The following DIP2C variants were observed in gnomAD, a reference collection of about 807,000 sequenced individuals.
DIP2C encodes disco-interacting protein 2 homolog C.
Under a neutral mutation model 192.4 loss-of-function variants are expected in DIP2C, and 33 were observed. The observed-to-expected ratio is 0.17, with a 90% CI of 0.13 to 0.23. The LOEUF (loss-of-function observed/expected upper bound fraction) is 0.23, where lower values mean the gene tolerates loss of function less well. Ranked by LOEUF, DIP2C falls within the 10% of genes least tolerant of loss-of-function variation. The pLI is 1.00. For synonymous variants in DIP2C, 979 were observed against 864.1 expected (o/e 1.13, Z -2.33); for missense variants, 1,537 against 2,110.1 (o/e 0.73, Z 5.32).
intron 1 of DIP2C, among the ~76,000 whole-genome samples, chr10:611,340 C>CTT (rs1257999481): frequency 2.6e-5 from 4 of 152,176 alleles, no homozygotes; most frequent in Non-Finnish European, 5.9e-5. Flanking sequence ...ATCAATTACC[C>CTT]AGCCTCAGGT....
At chr10:478,934 A>C (rs1459245157) in intron 2 of DIP2C, among the ~76,000 whole-genome samples, 1 of 152,132 alleles carries the variant, frequency 6.6e-6, no homozygotes, top group East Asian at 1.9e-4. Flanking sequence ...AGGAGGGCCA[A>C]GAGGCTCTCC....
intron 1 of DIP2C, among the ~76,000 whole-genome samples, chr10:496,770 C>G (rs986742324): frequency 2.6e-5 from 4 of 151,440 alleles, no homozygotes; most frequent in African/African-American, 9.7e-5. Flanking sequence ...ACATTACTCG[C>G]AATACTCCAA....
rs1237706943 is a variant in DIP2C at position 377,242 on chromosome 10, C to T, written c.1991+5405G>A. Among the ~76,000 whole-genome samples, 4 of 149,720 alleles carry T rather than the reference C, an allele frequency of 2.7e-5. No homozygotes were observed. The Admixed American group carries it at 2.7e-4, about 10-fold the overall frequency. ...ATATAAACTTTTTTACAAACTCTTT[C>T]TCATAAGCCTTGGCCACCTTTCTAT... On this transcript the variant is annotated intron_variant, in intron 17 of 36. Coordinates refer to ENST00000280886, the MANE Select transcript of DIP2C (RefSeq NM_014974.3).
At chr10:428,730 TTTCTC>T (rs1279145876) in intron 4 of DIP2C, among the ~76,000 whole-genome samples, 2 of 152,148 alleles carry the variant, frequency 1.3e-5, no homozygotes, top group Non-Finnish European at 2.9e-5. Flanking sequence ...CTCCTGCTCT[TTTCTC>T]TTTTCCTTCT....
chr10:376,037 G>A (rs986125795), intron 17 of DIP2C, among the ~76,000 whole-genome samples: 2 of 152,206 alleles, frequency 1.3e-5, no homozygotes, highest in Non-Finnish European at 2.9e-5. Flanking sequence ...CTGCAGTCAT[G>A]TAACGGCGGT....
At chr10:581,426 C>CT (rs369071285) in intron 1 of DIP2C, among the ~76,000 whole-genome samples, 6 of 152,134 alleles carry the variant, frequency 3.9e-5, no homozygotes, top group African/African-American at 1.4e-4. Flanking sequence ...ACATGTTAAG[C>CT]TGTCAAAGGT....
chr10:565,960 C>T (rs1286166333), intron 1 of DIP2C, among the ~76,000 whole-genome samples: 1 of 152,218 alleles, frequency 6.6e-6, no homozygotes, highest in Non-Finnish European at 1.5e-5. Context: ...ACCCACTCTC[C>T]TGCTGGAGGC....
Position 424,275 on chromosome 10 carries a change from G to A in DIP2C, c.395-1242C>T, listed in dbSNP as rs1000216183. ...TTATTATCACTGTCACATGACTTAT[G>A]CTGTCTGGGAATTTTTTTAAAAGTT... On this transcript the variant is annotated intron_variant, in intron 4 of 36. Transcript: ENST00000280886. Among the ~76,000 whole-genome samples, 11 of 128,556 alleles carry A rather than the reference G, an allele frequency of 8.6e-5. 1 individual carries two copies. Among genetic ancestry groups the A allele is most frequent in the Middle Eastern group, 4.3e-3 (1 of 232 alleles). The allele number at this position is 128,556 out of a possible 152,430, so 84.3% of individuals were successfully genotyped here.
At chr10:586,851 T>TA (rs200309625) in intron 1 of DIP2C, among the ~76,000 whole-genome samples, 2 of 126,312 alleles carry the variant, frequency 1.6e-5, no homozygotes, top group African/African-American at 1.1e-4. Flanking sequence ...CCACATTTTG[T>TA]GGGGAAAACC....
rs116170712 is a variant in DIP2C at position 602,034 on chromosome 10, T to C, written c.85+87460A>G. The stretch of plus-strand genomic sequence containing the variant: ...TCCTTGGTAAAGGGTCACCTGCAAG[T>C]CAGCCTAAGCCACATGGGAAGGGGC... On this transcript the variant is annotated intron_variant, in intron 1 of 36. Coordinates refer to ENST00000280886, the MANE Select transcript of DIP2C (RefSeq NM_014974.3). Among the ~76,000 whole-genome samples, 928 of 145,086 alleles carry C rather than the reference T, an allele frequency of 6.4e-3. 6 individuals are homozygous for C. The highest frequency in any genetic ancestry group is 0.022 in the African/African-American group (845 of 38,574).
At chr10:380,383 GGAT>G (rs1398288921) in intron 17 of DIP2C, among the ~76,000 whole-genome samples, 4 of 151,668 alleles carry the variant, frequency 2.6e-5, no homozygotes, top group African/African-American at 9.7e-5. Context: ...GGCTGTCCCT[GGAT>G]GATGGTTAAT....
intron 1 of DIP2C, among the ~76,000 whole-genome samples, chr10:501,607 T>G (rs2130710493): frequency 6.6e-6 from 1 of 152,032 alleles, no homozygotes; most frequent in African/African-American, 2.4e-5. Flanking sequence ...ATAATCAAAG[T>G]GCAAAACCGA....
intron 18 of DIP2C, among the ~76,000 whole-genome samples, chr10:366,999 G>A (rs1564621450): frequency 6.6e-6 from 1 of 152,222 alleles, no homozygotes; most frequent in Non-Finnish European, 1.5e-5. Context: ...AAGAGCCTCA[G>A]GCTTCAGAAG....
At chr10:607,264 A>C (rs965475928) in intron 1 of DIP2C, among the ~76,000 whole-genome samples, 1 of 152,190 alleles carries the variant, frequency 6.6e-6, no homozygotes, top group Non-Finnish European at 1.5e-5. Context: ...TCAAACACCT[A>C]AACACAGGAA....
chr10:441,118 G>A (rs999197490), intron 3 of DIP2C, 122 bp from the exon 4 acceptor site: 21 of 1,169,080 alleles, frequency 1.8e-5, no homozygotes, highest in Non-Finnish European at 2.4e-5. Flanking sequence ...ACAGATGGGT[G>A]GGCGAGGAAA....
chr10:430,574 A>AACTCT (rs1339426702), intron 4 of DIP2C: 4 of 152,216 alleles, frequency 2.6e-5, no homozygotes, highest in Non-Finnish European at 4.4e-5. Flanking sequence ...TATATTTCAA[A>AACTCT]TAAAAGTTAT....
chr10:407,974 C>T (rs989950548), intron 9 of DIP2C, among the ~76,000 whole-genome samples: 4 of 152,148 alleles, frequency 2.6e-5, no homozygotes, highest in African/African-American at 7.2e-5. Flanking sequence ...GGTTCGGGTG[C>T]CACATCCAAG....
At chr10:401,371 C>T (rs192890394) in intron 9 of DIP2C, among the ~76,000 whole-genome samples, 2 of 151,688 alleles carry the variant, frequency 1.3e-5, no homozygotes, top group Non-Finnish European at 2.9e-5. Context: ...TAGCATTACT[C>T]TTCCTTATGG....
At chr10:409,577 G>T (rs369861389) in intron 8 of DIP2C, among the ~76,000 whole-genome samples, 22 of 152,234 alleles carry the variant, frequency 1.4e-4, no homozygotes, top group African/African-American at 5.1e-4. Flanking sequence ...CACAGAAACC[G>T]CGGGGAAGGT....
Sources: allele counts gnomAD v4.1 joint callset (sites outside exome capture counted in the v4.1 genomes callset), GRCh38; gene constraint gnomAD v4.1.1; transcripts MANE v1.5; gene names NCBI Gene and HGNC (gene_info 2026-07-23, HGNC 2026-07-21).